WIF1: variants seen among roughly 807,000 people sequenced by gnomAD.
WIF1 encodes Wnt inhibitory factor 1.
Under a neutral mutation model 53.5 loss-of-function variants are expected in WIF1, and 35 were observed. The ratio of observed to expected loss-of-function variants is 0.65; its 90% CI spans 0.50 to 0.87. WIF1 has a LOEUF of 0.87. Among genes scored for constraint, WIF1 ranks in the 40% least tolerant of loss-of-function variants. The pLI is 0.00. For synonymous variants in WIF1, 171 were observed against 170.4 expected (o/e 1.00, Z -0.03); for missense variants, 467 against 476.8 (o/e 0.98, Z 0.19).
At chr12:65,106,374 T>A in intron 2 of WIF1, among the ~76,000 whole-genome samples, 1 of 130,604 alleles carries the variant, frequency 7.7e-6, no homozygotes, top group Non-Finnish European at 1.6e-5. Flanking sequence ...TATATATATA[T>A]TTTTTTTTAT....
At chr12:65,058,267 G>GT (rs1565748117) in intron 7 of WIF1, among the ~76,000 whole-genome samples, 1 of 152,072 alleles carries the variant, frequency 6.6e-6, no homozygotes, top group Non-Finnish European at 1.5e-5. Flanking sequence ...AATGCATCAG[G>GT]TTTTTTCAAG....
At position 65,068,649 on chromosome 12, in the gene WIF1, A is replaced by ATG. The variant is rs10590995; in HGVS notation, c.538+113_538+114dup. The ATG allele has an allele frequency of 0.061, 61,366 of 1,000,388 alleles. 684 individuals are homozygous for ATG. The highest frequency in any genetic ancestry group is 0.098 in the African/African-American group (5,396 of 55,342). 62.0% of individuals were successfully genotyped at this position (1,000,388 alleles called of 1,614,324 possible). On this transcript the variant is annotated intron_variant, in intron 4 of 9. Coordinates refer to ENST00000286574, the MANE Select transcript of WIF1 (RefSeq NM_007191.5). The stretch of plus-strand genomic sequence containing the variant: ...TTATAGAGCCATCATCCAAAAAACC[A>ATG]TGTGTGTGTGTGTGTGTGTGTGTGT...
At chr12:65,085,866 G>A (rs1022533730) in intron 2 of WIF1, among the ~76,000 whole-genome samples, 2 of 152,158 alleles carry the variant, frequency 1.3e-5, no homozygotes, top group Non-Finnish European at 2.9e-5. Context: ...ACATGAATCT[G>A]AAATTTCTAA....
At chr12:65,095,195 C>T (rs1883186129) in intron 2 of WIF1, among the ~76,000 whole-genome samples, 1 of 151,662 alleles carries the variant, frequency 6.6e-6, no homozygotes, top group Admixed American at 6.6e-5. Flanking sequence ...CTGCCTCAGG[C>T]CCCCCAAAGT....
intron 2 of WIF1, among the ~76,000 whole-genome samples, chr12:65,083,259 T>C (rs1334194057): frequency 2.0e-5 from 3 of 152,150 alleles, no homozygotes; most frequent in Non-Finnish European, 4.4e-5. Context: ...AGAAAAAATC[T>C]AAAATAAGCA....
chr12:65,094,659 C>A (rs897221681), intron 2 of WIF1, among the ~76,000 whole-genome samples: 3 of 152,016 alleles, frequency 2.0e-5, no homozygotes, highest in African/African-American at 7.2e-5. Flanking sequence ...TAAAAGATAT[C>A]CAAGGAAAGA....
intron 2 of WIF1, among the ~76,000 whole-genome samples, chr12:65,093,118 C>T (rs1000437777): frequency 6.6e-6 from 1 of 152,118 alleles, no homozygotes; most frequent in East Asian, 1.9e-4. Context: ...CTAAAGTAAT[C>T]AGAGAACATT....
At chr12:65,093,982 A>G (rs1592398940) in intron 2 of WIF1, among the ~76,000 whole-genome samples, 1 of 152,228 alleles carries the variant, frequency 6.6e-6, no homozygotes, top group South Asian at 2.1e-4. Flanking sequence ...AAACCATGGC[A>G]AACAGTGACG....
chr12:65,072,090 A>G (rs1284898283), intron 3 of WIF1, among the ~76,000 whole-genome samples: 1 of 152,150 alleles, frequency 6.6e-6, no homozygotes, highest in Non-Finnish European at 1.5e-5. Flanking sequence ...ACCTTTTAAA[A>G]GTTTTCAAAG....
At chr12:65,073,427 A>C (rs1372469665) in intron 3 of WIF1, among the ~76,000 whole-genome samples, 3 of 152,196 alleles carry the variant, frequency 2.0e-5, no homozygotes, top group African/African-American at 7.2e-5. Flanking sequence ...AGAGTGTTCA[A>C]AGAGGCAAAG....
chr12:65,060,365 A>C (rs1483163741), intron 7 of WIF1, among the ~76,000 whole-genome samples: 2 of 152,282 alleles, frequency 1.3e-5, no homozygotes, highest in South Asian at 2.1e-4. Flanking sequence ...GGCAATAAAA[A>C]GGAATAATGC....
At position 65,113,600 on chromosome 12, in the gene WIF1, CT is replaced by C. The variant is rs71434068; in HGVS notation, c.288+6816del. On this transcript the variant is annotated intron_variant, in intron 2 of 9. Coordinates refer to ENST00000286574, the MANE Select transcript of WIF1 (RefSeq NM_007191.5). ...ACTCATCTCCTCTAAGCAATAAAGT[CT>C]TTTTTTTTTCCTTCTGGCAAAAGTT... 2.3e-3 allele frequency among the ~76,000 whole-genome samples: 339 copies of C among 149,414 alleles called. 2 individuals carry two copies. The highest frequency in any genetic ancestry group is 7.8e-3 in the African/African-American group (317 of 40,714).
chr12:65,057,340 G>A (rs754524243), intron 7 of WIF1, among the ~76,000 whole-genome samples: 38 of 152,078 alleles, frequency 2.5e-4, no homozygotes, highest in Non-Finnish European at 4.1e-4. Flanking sequence ...TGAGTATTAC[G>A]AATGCTTTTC....
intron 2 of WIF1, among the ~76,000 whole-genome samples, chr12:65,119,903 G>T (rs982589785): frequency 2.6e-5 from 4 of 152,116 alleles, no homozygotes; most frequent in Non-Finnish European, 5.9e-5. Flanking sequence ...ATTTTATAAC[G>T]TTCTTACATG....
intron 2 of WIF1, among the ~76,000 whole-genome samples, chr12:65,088,154 C>T (rs527334152): frequency 2.6e-5 from 4 of 152,260 alleles, no homozygotes; most frequent in Admixed American, 6.5e-5. Flanking sequence ...ATATGGCCAA[C>T]TTCAATTGTC....
intron 3 of WIF1, among the ~76,000 whole-genome samples, chr12:65,076,652 G>A (rs9783503): frequency 0.14 from 21,829 of 152,000 alleles, 2,073 homozygotes; most frequent in African/African-American, 0.27. Context: ...GCTGGGCCCT[G>A]GGGTGGAGCC....
At chr12:65,099,459 T>C (rs1276819923) in intron 2 of WIF1, among the ~76,000 whole-genome samples, 2 of 152,222 alleles carry the variant, frequency 1.3e-5, no homozygotes, top group Admixed American at 1.3e-4. Flanking sequence ...GCCAGCAGTC[T>C]ATAAACAATA....
intron 2 of WIF1, among the ~76,000 whole-genome samples, chr12:65,100,408 A>C (rs1412076841): frequency 1.3e-5 from 2 of 152,210 alleles, no homozygotes; most frequent in Non-Finnish European, 2.9e-5. Flanking sequence ...AAATGTAGGC[A>C]CAAATCAACA....
chr12:65,098,876 A>T (rs1883242132), intron 2 of WIF1, among the ~76,000 whole-genome samples: 1 of 152,180 alleles, frequency 6.6e-6, no homozygotes, highest in African/African-American at 2.4e-5. Flanking sequence ...TCCCTCTGGG[A>T]AGTCAGTCAT....
Sources: allele counts gnomAD v4.1 joint callset (sites outside exome capture counted in the v4.1 genomes callset), GRCh38; gene constraint gnomAD v4.1.1; transcripts MANE v1.5; gene names NCBI Gene and HGNC (gene_info 2026-07-23, HGNC 2026-07-21).